The following SATL1 variants were observed in gnomAD, a reference collection of about 807,000 sequenced individuals.
SATL1 encodes spermidine/spermine N1-acetyl transferase like 1.
In SATL1, 47 loss-of-function variants were observed where a neutral mutation model predicts 51.8. The ratio of observed to expected loss-of-function variants is 0.91; its 90% CI spans 0.72 to 1.16. The LOEUF is 1.16. SATL1 is among the 50% of genes most tolerant of loss of function. The pLI is 0.00. For synonymous variants in SATL1, 176 were observed against 182.4 expected (o/e 0.97, Z 0.28); for missense variants, 520 against 526.4 (o/e 0.99, Z 0.12).
chrX:85,152,327 G>T (rs1926468303), intron 2 of SATL1, among the ~76,000 whole-genome samples: 1 of 111,383 alleles, frequency 9.0e-6, no homozygotes, highest in African/African-American at 3.3e-5. Context: ...ACAGGTGCTG[G>T]AGAGGATGTG....
intron 2 of SATL1, among the ~76,000 whole-genome samples, chrX:85,147,195 C>T (rs183177197): frequency 4.4e-5 from 5 of 114,671 alleles, no homozygotes; most frequent in Non-Finnish European, 7.5e-5. Flanking sequence ...GAGGGTCCTA[C>T]GCCCACGGAG....
chrX:85,098,031 G>A (rs1924783642), intron 4 of SATL1, among the ~76,000 whole-genome samples: 1 of 111,361 alleles, frequency 9.0e-6, no homozygotes, highest in Non-Finnish European at 1.9e-5. Flanking sequence ...GAGATAGGCA[G>A]AATAGATTAA....
chrX:85,098,763 A>G, intron 4 of SATL1, among the ~76,000 whole-genome samples: 1 of 111,774 alleles, frequency 8.9e-6, no homozygotes, highest in East Asian at 2.8e-4. Flanking sequence ...GATATGAACG[A>G]AAATGAAAAC....
At chrX:85,234,971 A>T (rs1021102327) in intron 1 of SATL1, among the ~76,000 whole-genome samples, 1 of 111,430 alleles carries the variant, frequency 9.0e-6, no homozygotes, top group Non-Finnish European at 1.9e-5. Flanking sequence ...GCTGCTTATA[A>T]GAATCAAACT....
chrX:85,133,093 A>C (rs1374107725), intron 2 of SATL1, among the ~76,000 whole-genome samples: 1 of 112,017 alleles, frequency 8.9e-6, no homozygotes, highest in Non-Finnish European at 1.9e-5. Context: ...GTTGTCTCCA[A>C]GTTAGGCTAC....
At chrX:85,196,023 A>G (rs1927553103) in intron 2 of SATL1, among the ~76,000 whole-genome samples, 1 of 109,950 alleles carries the variant, frequency 9.1e-6, no homozygotes. Flanking sequence ...ACCAAAACAC[A>G]TTCCTACAAA....
chrX:85,231,698 C>T (rs950798545), intron 1 of SATL1, among the ~76,000 whole-genome samples: 4 of 111,462 alleles, frequency 3.6e-5, no homozygotes, highest in East Asian at 2.8e-4. Context: ...CAGTGAAAAG[C>T]GACATGGGGC....
At chrX:85,124,928 G>T (rs898071547) in intron 2 of SATL1, among the ~76,000 whole-genome samples, 1 of 109,889 alleles carries the variant, frequency 9.1e-6, no homozygotes, top group African/African-American at 3.3e-5. Context: ...TGTCTACTCT[G>T]GGTTTTATAC....
chrX:85,241,102 T>C (rs1928583828), intron 1 of SATL1, among the ~76,000 whole-genome samples: 1 of 111,729 alleles, frequency 9.0e-6, no homozygotes, highest in Non-Finnish European at 1.9e-5. Context: ...TCATTTTGTA[T>C]TTTTTATTAG....
chrX:85,163,380 C>CT (rs1390173040), intron 2 of SATL1, among the ~76,000 whole-genome samples: 4 of 110,939 alleles, frequency 3.6e-5, no homozygotes, highest in Non-Finnish European at 7.6e-5. Flanking sequence ...CCCCTTCAGA[C>CT]TTTTTTATGT....
chrX:85,131,013 A>T (rs938767416), intron 2 of SATL1, among the ~76,000 whole-genome samples: 3 of 112,044 alleles, frequency 2.7e-5, no homozygotes, highest in African/African-American at 9.7e-5. Context: ...TCTGAGAGAC[A>T]GTTTGTTGTG....
At chrX:85,159,983 G>T (rs1926681702) in intron 2 of SATL1, among the ~76,000 whole-genome samples, 1 of 110,848 alleles carries the variant, frequency 9.0e-6, no homozygotes, top group South Asian at 3.9e-4. Flanking sequence ...CCATCACAGT[G>T]TGTTCTTAAA....
At chrX:85,128,772 G>A (rs914809388) in intron 2 of SATL1, among the ~76,000 whole-genome samples, 5 of 111,684 alleles carry the variant, frequency 4.5e-5, no homozygotes, top group African/African-American at 1.6e-4. Flanking sequence ...GGGTTTTTAT[G>A]GTTTTAGGTC....
intron 1 of SATL1, among the ~76,000 whole-genome samples, chrX:85,236,556 T>C (rs1307799980): frequency 4.5e-5 from 5 of 111,652 alleles, no homozygotes; most frequent in Non-Finnish European, 9.5e-5. Flanking sequence ...ATCGATGTGA[T>C]ACATCATACT....
intron 2 of SATL1, among the ~76,000 whole-genome samples, chrX:85,159,977 C>A (rs1926681209): frequency 9.0e-6 from 1 of 111,328 alleles, no homozygotes; most frequent in Admixed American, 9.6e-5. Context: ...CCCCCACCAT[C>A]ACAGTGTGTT....
At chrX:85,133,004 G>T (rs1031570177) in intron 2 of SATL1, among the ~76,000 whole-genome samples, 12 of 111,005 alleles carry the variant, frequency 1.1e-4, no homozygotes, top group Non-Finnish European at 1.7e-4. Context: ...AGCAAATATT[G>T]CTGCCTGATC....
intron 2 of SATL1, among the ~76,000 whole-genome samples, chrX:85,133,030 T>A (rs957537236): frequency 1.8e-5 from 2 of 111,399 alleles, no homozygotes; most frequent in Non-Finnish European, 3.8e-5. Flanking sequence ...TCTGGAAGCT[T>A]CATCTCAGAG....
At chrX:85,232,539 T>C (rs973004322) in intron 1 of SATL1, among the ~76,000 whole-genome samples, 2 of 111,591 alleles carry the variant, frequency 1.8e-5, no homozygotes, top group African/African-American at 6.5e-5. Context: ...TCTAGACTTA[T>C]ATTGGGCTAG....
At chrX:85,152,642 A>G (rs910650642) in intron 2 of SATL1, among the ~76,000 whole-genome samples, 2 of 111,914 alleles carry the variant, frequency 1.8e-5, no homozygotes, top group Non-Finnish European at 3.8e-5. Context: ...CAGCCATAAA[A>G]AATGATGAGT....
Sources: allele counts gnomAD v4.1 joint callset (sites outside exome capture counted in the v4.1 genomes callset), GRCh38; gene constraint gnomAD v4.1.1; transcripts MANE v1.5; gene names NCBI Gene and HGNC (gene_info 2026-07-23, HGNC 2026-07-21).